The following PATJ variants were observed in gnomAD, a reference collection of about 807,000 sequenced individuals.
PATJ encodes PATJ crumbs cell polarity complex component, also known as inaD-like protein.
A neutral mutation model predicts 224.9 loss-of-function variants in PATJ; 190 were observed. The ratio of observed to expected loss-of-function variants is 0.84; its 90% confidence interval spans 0.75 to 0.95. The LOEUF is 0.95. Among genes scored for constraint, PATJ ranks in the 40% least tolerant of loss-of-function variants. The pLI is 0.00. For synonymous variants in PATJ, 769 were observed against 820.3 expected (o/e 0.94, Z 1.07); for missense variants, 2,121 against 2,270.3 (o/e 0.93, Z 1.34).
chr1:61,885,542 G>C (rs1410142501), intron 22 of PATJ, among the ~76,000 whole-genome samples: 2 of 152,046 alleles, frequency 1.3e-5, no homozygotes, highest in African/African-American at 4.8e-5. Context: ...TGCTGGAGAG[G>C]ATGTGGAGAA....
chr1:62,066,017 G>T (rs563829572), intron 31 of PATJ, among the ~76,000 whole-genome samples: 1 of 152,242 alleles, frequency 6.6e-6, no homozygotes, highest in South Asian at 2.1e-4. Flanking sequence ...CTTTCAAAGG[G>T]AACTATAAAT....
chr1:61,930,094 C>T (rs528883989), intron 27 of PATJ, among the ~76,000 whole-genome samples: 1 of 152,268 alleles, frequency 6.6e-6, no homozygotes, highest in African/African-American at 2.4e-5. Flanking sequence ...ACAGATTCTC[C>T]AGGAGACCTA....
At chr1:62,000,651 T>G (rs1645705446) in intron 28 of PATJ, among the ~76,000 whole-genome samples, 1 of 151,064 alleles carries the variant, frequency 6.6e-6, no homozygotes, top group East Asian at 1.9e-4. Context: ...AGTGCCACAA[T>G]AAACATACGT....
intron 12 of PATJ, among the ~76,000 whole-genome samples, chr1:61,804,253 T>G (rs1046256103): frequency 1.3e-5 from 2 of 152,118 alleles, no homozygotes; most frequent in Non-Finnish European, 2.9e-5. Context: ...TGAATTTGAT[T>G]TTTTGTTTTT....
intron 31 of PATJ, among the ~76,000 whole-genome samples, chr1:62,058,743 T>C (rs1654942345): frequency 1.3e-5 from 2 of 152,212 alleles, no homozygotes; most frequent in Non-Finnish European, 2.9e-5. Flanking sequence ...CATTATTCAG[T>C]ACACATTTTG....
chr1:61,920,396 A>G (rs1273648798), intron 26 of PATJ, among the ~76,000 whole-genome samples: 3 of 152,080 alleles, frequency 2.0e-5, no homozygotes, highest in East Asian at 1.9e-4. Context: ...GTTTCCCTGC[A>G]CAAGCTCTCT....
intron 31 of PATJ, among the ~76,000 whole-genome samples, chr1:62,064,416 C>T (rs777122979): frequency 1.5e-4 from 23 of 151,854 alleles, no homozygotes; most frequent in Non-Finnish European, 3.1e-4. Context: ...GCAACCTCCA[C>T]CTCCCAGGTT....
intron 28 of PATJ, chr1:61,991,388 A>G: frequency 1.8e-6 from 1 of 544,998 alleles, no homozygotes; most frequent in Non-Finnish European, 2.3e-6. Context: ...ACTTTAGGAC[A>G]TTTAGGGGAG....
At chr1:61,932,671 G>A (rs900942832) in intron 27 of PATJ, among the ~76,000 whole-genome samples, 2 of 152,094 alleles carry the variant, frequency 1.3e-5, no homozygotes, top group African/African-American at 2.4e-5. Flanking sequence ...AGGCCGAGGT[G>A]GGTGGATCAC....
At chr1:61,933,556 G>A (rs1309498112) in intron 27 of PATJ, among the ~76,000 whole-genome samples, 29 of 147,286 alleles carry the variant, frequency 2.0e-4, no homozygotes, top group Non-Finnish European at 4.0e-4. Flanking sequence ...AAAAAAAAAA[G>A]GAAAAAAAGA....
intron 27 of PATJ, among the ~76,000 whole-genome samples, chr1:61,948,045 C>T (rs1313405522): frequency 6.6e-6 from 1 of 152,174 alleles, no homozygotes; most frequent in African/African-American, 2.4e-5. Context: ...TTCCTTACAC[C>T]TTGTACAAAA....
intron 33 of PATJ, among the ~76,000 whole-genome samples, chr1:62,107,003 C>T (rs548030795): frequency 1.2e-4 from 19 of 152,142 alleles, no homozygotes; most frequent in African/African-American, 4.3e-4. Flanking sequence ...TTCTAATCTC[C>T]ACTCAAAAGC....
intron 18 of PATJ, 60 bp from the exon 19 acceptor site, chr1:61,861,491 C>A: frequency 1.3e-6 from 1 of 773,030 alleles, no homozygotes; most frequent in Non-Finnish European, 2.2e-6. Context: ...CTCTCCCTCC[C>A]CTTGCTCCCC....
At chr1:62,064,921 T>C (rs564603795) in intron 31 of PATJ, among the ~76,000 whole-genome samples, 1 of 152,354 alleles carries the variant, frequency 6.6e-6, no homozygotes, top group East Asian at 1.9e-4. Flanking sequence ...AGCAGGAGTC[T>C]AGGAATTCCC....
chr1:61,840,252 T>G (rs1660868949), intron 17 of PATJ, among the ~76,000 whole-genome samples: 2 of 152,054 alleles, frequency 1.3e-5, no homozygotes, highest in South Asian at 4.1e-4. Context: ...GTCTTTAAGT[T>G]GTCTTTTTCC....
rs140663472 is a variant in PATJ, at chr1:62,033,798, T to G, written c.3960-4179T>G. Among the ~76,000 whole-genome samples, 1,407 of 152,308 alleles carry G rather than the reference T, an allele frequency of 9.2e-3. 12 individuals carry two copies. Among genetic ancestry groups the G allele is most frequent in the Middle Eastern group, 0.034 (10 of 294 alleles). ...TTCTGGTTTCTTTTTTCTGCCTTAT[T>G]AAGATCACTTTTGTTCAACAGACAT... On this transcript the variant is annotated intron_variant, in intron 29 of 43. Coordinates refer to ENST00000642238, the MANE Select transcript of PATJ (RefSeq NM_001350145.3).
intron 41 of PATJ, among the ~76,000 whole-genome samples, chr1:62,133,440 G>A (rs1188778163): frequency 6.6e-6 from 1 of 152,054 alleles, no homozygotes; most frequent in Non-Finnish European, 1.5e-5. Context: ...AAATTAGCCG[G>A]GTGTGTTGGC....
intron 41 of PATJ, among the ~76,000 whole-genome samples, chr1:62,138,468 C>T (rs149359521): frequency 7.2e-5 from 11 of 152,188 alleles, no homozygotes; most frequent in African/African-American, 2.6e-4. Context: ...CCACCATGCC[C>T]AGCTAATTTT....
intron 31 of PATJ, among the ~76,000 whole-genome samples, chr1:62,076,995 A>C (rs1230842677): frequency 6.6e-6 from 1 of 152,162 alleles, no homozygotes; most frequent in African/African-American, 2.4e-5. Context: ...TCAGAGACCC[A>C]AGCACCTCTT....
Sources: allele counts gnomAD v4.1 joint callset (sites outside exome capture counted in the v4.1 genomes callset), GRCh38; gene constraint gnomAD v4.1.1; transcripts MANE v1.5; gene names NCBI Gene and HGNC (gene_info 2026-07-23, HGNC 2026-07-21).